SYCP2: variants seen among roughly 807,000 people sequenced by gnomAD.
The protein encoded by SYCP2 is synaptonemal complex lateral element protein.
Under a neutral mutation model 211.3 loss-of-function variants are expected in SYCP2, and 55 were observed. The ratio of observed to expected loss-of-function variants is 0.26; its 90% CI spans 0.21 to 0.33. The LOEUF (loss-of-function observed/expected upper bound fraction) is 0.33. Ranked by LOEUF, SYCP2 falls within the 10% of genes least tolerant of loss-of-function variation. The pLI, the probability that SYCP2 is intolerant of heterozygous loss-of-function variation, is 1.00. For missense variants in SYCP2, 1,731 were observed against 1,752.0 expected (o/e 0.99, Z 0.21); for synonymous variants, 570 against 555.2 (o/e 1.03, Z -0.37).
chr20:59,866,923 AT>A (rs528972460), intron 39 of SYCP2, among the ~76,000 whole-genome samples: 1 of 148,162 alleles, frequency 6.7e-6, no homozygotes, highest in East Asian at 2.0e-4. Flanking sequence ...TTTTAAAACC[AT>A]TTTTTTCACA....
intron 24 of SYCP2, among the ~76,000 whole-genome samples, chr20:59,888,977 G>A (rs558080933): frequency 2.0e-5 from 3 of 151,904 alleles, no homozygotes; most frequent in Admixed American, 6.6e-5. Context: ...AATCAAAGGA[G>A]ATCTAAATAA....
At chr20:59,878,327 T>C (rs191618021) in intron 31 of SYCP2, among the ~76,000 whole-genome samples, 3 of 152,234 alleles carry the variant, frequency 2.0e-5, no homozygotes, top group Non-Finnish European at 2.9e-5. Context: ...AGTAGCCCAA[T>C]TGTACCACAT....
At chr20:59,913,695 G>C (rs935730226) in intron 12 of SYCP2, among the ~76,000 whole-genome samples, 1 of 151,950 alleles carries the variant, frequency 6.6e-6, no homozygotes, top group African/African-American at 2.4e-5. Flanking sequence ...AGCCAATTTT[G>C]AACATCTAAA....
chr20:59,930,482 C>A (rs1232840295), intron 2 of SYCP2, among the ~76,000 whole-genome samples: 2 of 152,208 alleles, frequency 1.3e-5, no homozygotes, highest in African/African-American at 4.8e-5. Flanking sequence ...TACTTCTTAA[C>A]AGTGCCAAAT....
chr20:59,904,325 C>G (rs1338511620), intron 15 of SYCP2, among the ~76,000 whole-genome samples: 1 of 152,048 alleles, frequency 6.6e-6, no homozygotes, highest in African/African-American at 2.4e-5. Context: ...GGCTCGAGAG[C>G]TGAGCTGGAA....
chr20:59,878,048 G>A lies in SYCP2; in HGVS notation c.2942-3C>T. 6 of 1,596,632 alleles carry A rather than the reference G, an allele frequency of 3.8e-6. No individual in the cohort carries two copies. Among genetic ancestry groups the A allele is most frequent in the Non-Finnish European group, 5.1e-6 (6 of 1,169,596 alleles). Reference sequence around the variant, plus strand: ...CTGTCCCTTTTCCAAGGATGATCCTGTAATTCAGAAAAATAAGGTTAAATT... The same window carrying A: ...CTGTCCCTTTTCCAAGGATGATCCTATAATTCAGAAAAATAAGGTTAAATT... On this transcript the variant is annotated splice_polypyrimidine_tract_variant and splice_region_variant and intron_variant, in intron 31 of 44. Coordinates refer to ENST00000357552, the MANE Select transcript of SYCP2 (RefSeq NM_014258.4).
intron 38 of SYCP2, 152 bp downstream of exon 38, chr20:59,868,261 T>C (rs1338375028): frequency 1.3e-6 from 1 of 750,256 alleles, no homozygotes; most frequent in Non-Finnish European, 2.2e-6. Flanking sequence ...CAACAATTAT[T>C]CATATAAATG....
intron 32 of SYCP2, 27 bp from the exon 33 acceptor site, chr20:59,877,582 A>AG (rs1416329920): frequency 2.6e-6 from 4 of 1,553,052 alleles, no homozygotes; most frequent in Admixed American, 4.4e-5. Flanking sequence ...CCTGAATATT[A>AG]GATCAATATT....
rs896937614 is a variant in SYCP2, at chr20:59,926,178, T to C, written c.-46-3719A>G. Among the ~76,000 whole-genome samples, 7 of 152,090 alleles carry C rather than the reference T, an allele frequency of 4.6e-5. No homozygotes were observed. The East Asian group carries it at 1.3e-3, about 29-fold the overall frequency. Reference sequence around the variant, plus strand: ...GGGATGGAATTGTGCCAACTGCCTCTGTAACAAGAAGAAAAATGTTTGCTC... The same window carrying C: ...GGGATGGAATTGTGCCAACTGCCTCCGTAACAAGAAGAAAAATGTTTGCTC... On this transcript the variant is annotated intron_variant, in intron 2 of 44. Transcript: ENST00000357552.
In SYCP2 at chr20:59,921,466, A is replaced by G. The variant is rs772949862; in HGVS notation, c.25-13T>C. The G allele has an allele frequency of 6.3e-7, 1 of 1,590,564 alleles. No homozygotes were observed. The highest frequency in any genetic ancestry group is 8.6e-7 in the Non-Finnish European group (1 of 1,166,936). On this transcript the variant is annotated splice_polypyrimidine_tract_variant and intron_variant, in intron 3 of 44. Coordinates refer to ENST00000357552, the MANE Select transcript of SYCP2 (RefSeq NM_014258.4). ...ATTTTTCCAACTGCTAGAGAAATAT[A>G]TTTAATGGCACATACTGTATCAAAA...
intron 20 of SYCP2, among the ~76,000 whole-genome samples, chr20:59,894,513 C>T (rs1013035707): frequency 1.3e-5 from 2 of 151,804 alleles, no homozygotes; most frequent in Non-Finnish European, 1.5e-5. Flanking sequence ...AAATAGAATC[C>T]ATCATCTGTT....
chr20:59,870,339 A>C (rs2059426171), intron 35 of SYCP2, among the ~76,000 whole-genome samples: 1 of 151,898 alleles, frequency 6.6e-6, no homozygotes, highest in Non-Finnish European at 1.5e-5. Context: ...GAATCTAGGC[A>C]GACAATCATG....
At chr20:59,928,763 G>GA (rs2060679672) in intron 2 of SYCP2, among the ~76,000 whole-genome samples, 1 of 151,952 alleles carries the variant, frequency 6.6e-6, no homozygotes, top group South Asian at 2.1e-4. Flanking sequence ...TTGGCATGTG[G>GA]AAAAAATAAC....
Position 59,877,365 on chromosome 20 carries a change from T to C in SYCP2, c.3150+20A>G. 2.0e-6 allele frequency: 3 copies of C among 1,483,754 alleles called. No homozygotes were observed. Among genetic ancestry groups the C allele is most frequent in the Non-Finnish European group, 2.7e-6 (3 of 1,118,636 alleles). 91.9% of individuals were successfully genotyped at this position (1,483,754 alleles called of 1,614,324 possible). A position where few individuals can be genotyped will look rare whatever the true frequency, so the allele number is the denominator to read the frequency against. ...ATTTTAAGAGGCTTTTAGAAATTAATCTGAACTGTATCTATTTACCTTTAC... is the reference window on the plus strand; with the variant it reads ...ATTTTAAGAGGCTTTTAGAAATTAACCTGAACTGTATCTATTTACCTTTAC... On this transcript the variant is annotated intron_variant, in intron 33 of 44. Coordinates refer to ENST00000357552, the MANE Select transcript of SYCP2 (RefSeq NM_014258.4).
intron 2 of SYCP2, among the ~76,000 whole-genome samples, chr20:59,927,132 G>T (rs1013478543): frequency 6.6e-6 from 1 of 152,134 alleles, no homozygotes; most frequent in African/African-American, 2.4e-5. Context: ...AACGTAATGA[G>T]ATTTGTTGAG....
At position 59,915,780 on chromosome 20, in the gene SYCP2, T is replaced by G. The variant is rs371240931; in HGVS notation, c.514-230A>C. ...AGGCCAAGGCGGGCGGATCACTTGA[T>G]GTCAGGAGTTCGAGATCAGCCTGGC... On this transcript the variant is annotated intron_variant, in intron 8 of 44. Transcript: ENST00000357552. 327 of 291,748 alleles carry G rather than the reference T, an allele frequency of 1.1e-3. 3 individuals carry two copies. Among genetic ancestry groups the G allele is most frequent in the South Asian group, 1.1e-3 (16 of 14,278 alleles). The allele number at this position is 291,748 out of a possible 1,614,324, so 18.1% of individuals were successfully genotyped here. A position where few individuals can be genotyped will look rare whatever the true frequency, so the allele number is the denominator to read the frequency against.
At chr20:59,888,951 A>G (rs1371840292) in intron 24 of SYCP2, among the ~76,000 whole-genome samples, 6 of 152,066 alleles carry the variant, frequency 3.9e-5, no homozygotes, top group African/African-American at 7.2e-5. Context: ...AAAAACTACA[A>G]AAGTCTGATG....
rs1023217352 is a variant in SYCP2 at position 59,880,555 on chromosome 20, C to T, written c.2773-84G>A. On this transcript the variant is annotated intron_variant, in intron 30 of 44. Coordinates refer to ENST00000357552, the MANE Select transcript of SYCP2 (RefSeq NM_014258.4). ...GTAAGTTAAACCAAAACAACAACAA[C>T]AACAAAAAAAAACAAAACCCAAAAC... is the stretch of plus-strand genomic sequence containing the variant. 2.1e-5 allele frequency: 16 copies of T among 760,948 alleles called. No homozygotes were observed. In the African/African-American group the frequency reaches 2.9e-4, roughly 14 times the overall value. The allele number at this position is 760,948 out of a possible 1,614,324, so 47.1% of individuals were successfully genotyped here.
At chr20:59,932,871 G>A (rs957718965) in intron 1 of SYCP2, among the ~76,000 whole-genome samples, 7 of 152,110 alleles carry the variant, frequency 4.6e-5, no homozygotes, top group Admixed American at 3.9e-4. Flanking sequence ...CGGCGGGAGG[G>A]AGAGAAGGGA....
Sources: allele counts gnomAD v4.1 joint callset (sites outside exome capture counted in the v4.1 genomes callset), GRCh38; gene constraint gnomAD v4.1.1; transcripts MANE v1.5; gene names NCBI Gene and HGNC (gene_info 2026-07-23, HGNC 2026-07-21).